Variants in NUP210L observed in about 807,000 individuals in gnomAD.
The protein encoded by NUP210L is nuclear pore membrane glycoprotein 210-like.
A neutral mutation model predicts 208.5 loss-of-function variants in NUP210L; 74 were observed. The observed-to-expected ratio is 0.35, with a 90% CI of 0.29 to 0.43. The LOEUF (loss-of-function observed/expected upper bound fraction) is 0.43, where lower values mean the gene tolerates loss of function less well. Among genes scored for constraint, NUP210L ranks in the 20% least tolerant of loss-of-function variants. The pLI, the probability that NUP210L is intolerant of heterozygous loss-of-function variation, is 1.00. For missense variants in NUP210L, 1,843 were observed against 2,289.4 expected (o/e 0.81, Z 3.98); for synonymous variants, 780 against 816.9 (o/e 0.95, Z 0.77).
At chr1:154,151,159 G>A (rs1659360295) in intron 2 of NUP210L, among the ~76,000 whole-genome samples, 1 of 151,678 alleles carries the variant, frequency 6.6e-6, no homozygotes, top group African/African-American at 2.4e-5. Context: ...TTTAAAAATC[G>A]CATATGTGAC....
intron 4 of NUP210L, among the ~76,000 whole-genome samples, chr1:154,141,156 A>T (rs907322092): frequency 2.6e-5 from 4 of 152,166 alleles, no homozygotes; most frequent in African/African-American, 9.7e-5. Flanking sequence ...GCTTGAACAA[A>T]AAGAATTTCC....
chr1:154,068,362 G>A (rs1428510980), intron 17 of NUP210L, among the ~76,000 whole-genome samples: 1 of 152,172 alleles, frequency 6.6e-6, no homozygotes, highest in Non-Finnish European at 1.5e-5. Flanking sequence ...AAATGGTGCT[G>A]GGAAAACTGG....
chr1:154,111,704 C>T (rs1657044946), intron 12 of NUP210L, among the ~76,000 whole-genome samples: 1 of 151,480 alleles, frequency 6.6e-6, no homozygotes, highest in African/African-American at 2.4e-5. Context: ...TTTTACTAAA[C>T]ATTTAAAAAA....
rs999030391 is a variant in NUP210L, at chr1:154,029,819, G to A, written c.3855+77C>T. 72 of 1,148,320 alleles carry A rather than the reference G, an allele frequency of 6.3e-5. 2 individuals carry two copies. The Middle Eastern group carries it at 4.5e-3, about 72-fold the overall frequency. 71.1% of individuals were successfully genotyped at this position (1,148,320 alleles called of 1,614,324 possible). A position where few individuals can be genotyped will look rare whatever the true frequency, so the allele number is the denominator to read the frequency against. On this transcript the variant is annotated intron_variant, in intron 28 of 39. Transcript: ENST00000368559. ...AATTATCTGTCTCTATCCAGACTAA[G>A]CTCTTTGTTGATGGTAAGAGAATAT...
intron 5 of NUP210L, among the ~76,000 whole-genome samples, chr1:154,138,941 C>T (rs1424347154): frequency 6.6e-6 from 1 of 152,118 alleles, no homozygotes; most frequent in Non-Finnish European, 1.5e-5. Context: ...AATTTTTGCA[C>T]ACAAATTCTT....
intron 5 of NUP210L, among the ~76,000 whole-genome samples, chr1:154,138,461 C>G (rs930179658): frequency 6.6e-6 from 1 of 151,916 alleles, no homozygotes; most frequent in Non-Finnish European, 1.5e-5. Flanking sequence ...AGACTTAGAA[C>G]AAAAAAGTCT....
At position 154,121,427 on chromosome 1, in the gene NUP210L, T is replaced by C. The variant is rs1006094432; in HGVS notation, c.1327-2619A>G. Among the ~76,000 whole-genome samples the C allele has an allele frequency of 2.0e-5, 3 of 152,172 alleles. No individual in the cohort carries two copies. In the East Asian group the frequency reaches 5.8e-4, roughly 29 times the overall value. On this transcript the variant is annotated intron_variant, in intron 10 of 39. Coordinates refer to ENST00000368559, the Ensembl canonical transcript of NUP210L. ...GCCCCCAAAGATTTCTGACTCCTGG[T>C]ATTCACCCCCTTCTGTAGTCCCCAT...
At chr1:154,108,245 C>T (rs563476525) in intron 12 of NUP210L, among the ~76,000 whole-genome samples, 1 of 152,222 alleles carries the variant, frequency 6.6e-6, no homozygotes, top group South Asian at 2.1e-4. Context: ...GCAACCTCGA[C>T]CTCCTAGGTT....
At chr1:154,061,467 A>T (rs764484653) in intron 18 of NUP210L, 119 bp downstream of exon 18, 1 of 527,704 alleles carries the variant, frequency 1.9e-6, no homozygotes, top group African/African-American at 2.0e-5. Flanking sequence ...TCAAGGGCCA[A>T]AATAACAGAA....
At chr1:154,091,239 G>A (rs1183032890) in intron 15 of NUP210L, among the ~76,000 whole-genome samples, 1 of 151,492 alleles carries the variant, frequency 6.6e-6, no homozygotes, top group Non-Finnish European at 1.5e-5. Context: ...AAGACTACAG[G>A]CACGTGCAAC....
At chr1:154,069,918 T>G (rs1395884155) in intron 17 of NUP210L, among the ~76,000 whole-genome samples, 1 of 152,076 alleles carries the variant, frequency 6.6e-6, no homozygotes, top group Non-Finnish European at 1.5e-5. Context: ...GGATGAAGCT[T>G]GAAACCATCA....
At chr1:154,108,169 T>C (rs147894083) in intron 12 of NUP210L, among the ~76,000 whole-genome samples, 26 of 152,272 alleles carry the variant, frequency 1.7e-4, no homozygotes. Flanking sequence ...GTTTTTGTTT[T>C]TGTTTTGAGA....
At chr1:154,054,155 A>G in intron 25 of NUP210L, 73 bp downstream of exon 25, 2 of 1,509,094 alleles carry the variant, frequency 1.3e-6, no homozygotes, top group Admixed American at 1.7e-5. Flanking sequence ...CCTCATTACC[A>G]CTGCCTCCCT....
intron 32 of NUP210L, among the ~76,000 whole-genome samples, chr1:154,019,952 AAG>A (rs1331932650): frequency 3.3e-5 from 5 of 152,268 alleles, no homozygotes; most frequent in African/African-American, 1.2e-4. Flanking sequence ...CAAACAAAAA[AAG>A]AGAGGGTAAA....
chr1:154,121,436 C>A (rs555799813), intron 10 of NUP210L, among the ~76,000 whole-genome samples: 1 of 152,108 alleles, frequency 6.6e-6, no homozygotes, highest in East Asian at 1.9e-4. Context: ...GTATTCACCC[C>A]CTTCTGTAGT....
intron 4 of NUP210L, among the ~76,000 whole-genome samples, chr1:154,140,666 C>CAAAAAAA (rs1434093544): frequency 8.8e-5 from 9 of 102,416 alleles, no homozygotes; most frequent in Non-Finnish European, 1.3e-4. Context: ...GACTCCATCT[C>CAAAAAAA]AAAAAAAAAA....
chr1:154,046,396 T>C, intron 25 of NUP210L, 27 bp from the exon 26 acceptor site: 3 of 1,596,388 alleles, frequency 1.9e-6, no homozygotes, highest in Non-Finnish European at 2.6e-6. Flanking sequence ...AGAGCAAGCT[T>C]AGGCTAAGAG....
At chr1:154,116,750 A>C (rs1170874685) in intron 12 of NUP210L, among the ~76,000 whole-genome samples, 1 of 152,106 alleles carries the variant, frequency 6.6e-6, no homozygotes, top group Non-Finnish European at 1.5e-5. Context: ...AATAAAGGAG[A>C]AAAATAGGAA....
rs1353403051 is a variant in NUP210L at position 154,063,738 on chromosome 1, TA to T, written c.2555-2065del. Among the ~76,000 whole-genome samples, 7 of 152,034 alleles carry T rather than the reference TA, an allele frequency of 4.6e-5. No individual in the cohort carries two copies. In the East Asian group the frequency reaches 1.3e-3, roughly 29 times the overall value. ...TTAGAAGATTATGTGAAAAAGTGTA[TA>T]AAGTAGTTAGTGCAGTGCCTGGCAT... On this transcript the variant is annotated intron_variant, in intron 17 of 39. Transcript: ENST00000368559.
Sources: allele counts gnomAD v4.1 joint callset (sites outside exome capture counted in the v4.1 genomes callset), GRCh38; gene constraint gnomAD v4.1.1; transcripts MANE v1.5; gene names NCBI Gene and HGNC (gene_info 2026-07-23, HGNC 2026-07-21).